GULP1: variants seen among roughly 807,000 people sequenced by gnomAD.
The protein encoded by GULP1 is PTB domain-containing engulfment adapter protein 1.
A neutral mutation model predicts 40.9 loss-of-function variants in GULP1; 19 were observed. That is an observed-to-expected ratio of 0.46 (90% confidence interval 0.32 to 0.68). GULP1 has a LOEUF of 0.68. Ranked by LOEUF, GULP1 falls within the 30% of genes least tolerant of loss-of-function variation. The pLI is 0.03. For missense variants in GULP1, 312 were observed against 362.2 expected, an observed-to-expected ratio of 0.86 and a Z score of 1.12; for synonymous variants, 119 against 117.6, an observed-to-expected ratio of 1.01 and a Z score of -0.08.
intron 1 of GULP1, among the ~76,000 whole-genome samples, chr2:188,364,019 C>T (rs2046418315): frequency 6.6e-6 from 1 of 152,154 alleles, no homozygotes. Flanking sequence ...AGTTTACATT[C>T]AGTGCACTTA....
chr2:188,479,882 G>A (rs546636689), intron 3 of GULP1, among the ~76,000 whole-genome samples: 1 of 152,198 alleles, frequency 6.6e-6, no homozygotes, highest in African/African-American at 2.4e-5. Flanking sequence ...GGAGTGATTT[G>A]GAGAATCAAG....
At chr2:188,330,662 A>G (rs1388401705) in intron 1 of GULP1, among the ~76,000 whole-genome samples, 1 of 152,210 alleles carries the variant, frequency 6.6e-6, no homozygotes, top group East Asian at 1.9e-4. Context: ...AGAAATCTTT[A>G]TTACCAAAAA....
intron 7 of GULP1, among the ~76,000 whole-genome samples, chr2:188,559,322 A>G (rs751747739): frequency 6.6e-6 from 1 of 152,186 alleles, no homozygotes; most frequent in Non-Finnish European, 1.5e-5. Context: ...CCTTGGCAGC[A>G]TCCACGTCGT....
intron 4 of GULP1, among the ~76,000 whole-genome samples, chr2:188,490,764 T>C (rs1357750624): frequency 6.6e-6 from 1 of 152,222 alleles, no homozygotes; most frequent in East Asian, 1.9e-4. Context: ...TATCATTTAT[T>C]TCATATTTCT....
chr2:188,326,124 A>G (rs1353912279), intron 1 of GULP1, among the ~76,000 whole-genome samples: 1 of 151,992 alleles, frequency 6.6e-6, no homozygotes, highest in African/African-American at 2.4e-5. Flanking sequence ...CATTTTTGTT[A>G]GCTTATTCTT....
chr2:188,375,408 G>A (rs1400751211), intron 1 of GULP1, among the ~76,000 whole-genome samples: 1 of 152,180 alleles, frequency 6.6e-6, no homozygotes, highest in Non-Finnish European at 1.5e-5. Context: ...CCACAGGACT[G>A]GAAAAATTAA....
chr2:188,553,324 T>A (rs1217355028), intron 7 of GULP1, among the ~76,000 whole-genome samples: 1 of 151,838 alleles, frequency 6.6e-6, no homozygotes, highest in African/African-American at 2.4e-5. Context: ...GATTTGTTAT[T>A]TTATGGTATG....
At chr2:188,578,482 C>G (rs1306343640) in intron 9 of GULP1, among the ~76,000 whole-genome samples, 1 of 151,350 alleles carries the variant, frequency 6.6e-6, no homozygotes, top group Non-Finnish European at 1.5e-5. Flanking sequence ...ACATATATAC[C>G]TAGGTAACAG....
chr2:188,432,891 A>T (rs1331639144), intron 2 of GULP1, among the ~76,000 whole-genome samples: 1 of 152,120 alleles, frequency 6.6e-6, no homozygotes, highest in Non-Finnish European at 1.5e-5. Flanking sequence ...CTAAACACAC[A>T]TACACACAAA....
At chr2:188,371,356 A>G (rs960201469) in intron 1 of GULP1, among the ~76,000 whole-genome samples, 39 of 152,278 alleles carry the variant, frequency 2.6e-4, no homozygotes, top group African/African-American at 9.1e-4. Context: ...ATCAATAAAA[A>G]CTTACAGTTC....
intron 5 of GULP1, among the ~76,000 whole-genome samples, chr2:188,523,680 C>A (rs1254924814): frequency 6.6e-6 from 1 of 152,020 alleles, no homozygotes; most frequent in Non-Finnish European, 1.5e-5. Flanking sequence ...AGGGTTAGAC[C>A]TCTGAGTGTG....
Position 188,424,355 on chromosome 2 carries a change from C to G in GULP1, c.-45+40466C>G, listed in dbSNP as rs1559225363. Among the ~76,000 whole-genome samples, 2 of 151,842 alleles carry G rather than the reference C, an allele frequency of 1.3e-5. 1 individual carries two copies. The highest frequency in any genetic ancestry group is 4.8e-5 in the African/African-American group (2 of 41,384). ...AGTTTCAAGCAGGAACAAAAGTACA[C>G]AGAGTAGTGTAACGAGGCCTCATGT... On this transcript the variant is annotated intron_variant, in intron 2 of 11. Transcript: ENST00000409830.
intron 5 of GULP1, among the ~76,000 whole-genome samples, chr2:188,528,019 T>C (rs1686623585): frequency 6.6e-6 from 1 of 152,162 alleles, no homozygotes; most frequent in Non-Finnish European, 1.5e-5. Flanking sequence ...AAATAACTTT[T>C]TGAAGCCCTA....
intron 6 of GULP1, among the ~76,000 whole-genome samples, chr2:188,536,564 G>T (rs143534803): frequency 0.039 from 5,955 of 151,976 alleles, 271 homozygotes; most frequent in African/African-American, 0.1. Flanking sequence ...TTTTGTACCA[G>T]TACCATGCTT....
At chr2:188,403,854 T>C (rs1018391972) in intron 2 of GULP1, among the ~76,000 whole-genome samples, 6 of 152,174 alleles carry the variant, frequency 3.9e-5, no homozygotes, top group African/African-American at 1.4e-4. Flanking sequence ...AAATCTCCTG[T>C]TTATCTTCTG....
chr2:188,376,066 G>T (rs1574846322), intron 1 of GULP1, among the ~76,000 whole-genome samples: 1 of 152,116 alleles, frequency 6.6e-6, no homozygotes, highest in East Asian at 1.9e-4. Flanking sequence ...AACCCTGTGG[G>T]TATGGAGGGC....
At chr2:188,314,328 T>G (rs2038714557) in intron 1 of GULP1, among the ~76,000 whole-genome samples, 1 of 152,180 alleles carries the variant, frequency 6.6e-6, no homozygotes, top group Non-Finnish European at 1.5e-5. Context: ...AATGTCAAAG[T>G]CAAACTTTCT....
intron 4 of GULP1, among the ~76,000 whole-genome samples, chr2:188,502,657 C>A (rs1399812288): frequency 2.6e-5 from 4 of 151,824 alleles, no homozygotes; most frequent in East Asian, 1.9e-4. Context: ...TGTTAGAAAT[C>A]ATCTCCTTCT....
At chr2:188,344,779 G>A (rs761858198) in intron 1 of GULP1, among the ~76,000 whole-genome samples, 3 of 152,048 alleles carry the variant, frequency 2.0e-5, no homozygotes, top group Non-Finnish European at 4.4e-5. Context: ...GACACTCTTG[G>A]ATTTTTTAAA....
Sources: allele counts gnomAD v4.1 joint callset (sites outside exome capture counted in the v4.1 genomes callset), GRCh38; gene constraint gnomAD v4.1.1; transcripts MANE v1.5; gene names NCBI Gene and HGNC (gene_info 2026-07-23, HGNC 2026-07-21).